The following WWOX variants were observed in gnomAD, a reference collection of about 807,000 sequenced individuals.
WWOX encodes WW domain-containing oxidoreductase.
WWOX carries 69 observed loss-of-function variants against 46.2 expected under a neutral mutation model. The ratio of observed to expected loss-of-function variants is 1.49; its 90% CI spans 1.23 to 1.82. The LOEUF (loss-of-function observed/expected upper bound fraction) is 1.82. Ranked by LOEUF, WWOX falls within the 40% of genes most tolerant of loss-of-function variation. The pLI, the probability that WWOX is intolerant of heterozygous loss-of-function variation, is 0.00. For synonymous variants in WWOX, 359 were observed against 202.6 expected (o/e 1.77, Z -6.56); for missense variants, 919 against 542.6 (o/e 1.69, Z -6.89).
intron 8 of WWOX, among the ~76,000 whole-genome samples, chr16:79,059,713 C>T (rs1446556629): frequency 6.6e-6 from 1 of 152,112 alleles, no homozygotes; most frequent in Non-Finnish European, 1.5e-5. Context: ...CCAGGCATCT[C>T]AATCGTTTTA....
chr16:78,668,684 G>A (rs752211829), intron 8 of WWOX, among the ~76,000 whole-genome samples: 18 of 152,166 alleles, frequency 1.2e-4, no homozygotes, highest in Admixed American at 2.0e-4. Context: ...AGAAGAGCAG[G>A]CATCAGATGG....
chr16:78,995,118 T>G (rs1431716562), intron 8 of WWOX, among the ~76,000 whole-genome samples: 1 of 152,104 alleles, frequency 6.6e-6, no homozygotes, highest in African/African-American at 2.4e-5. Flanking sequence ...ACAGTTTGTC[T>G]TGGCTCTGAT....
intron 8 of WWOX, among the ~76,000 whole-genome samples, chr16:78,931,089 A>G: frequency 6.6e-6 from 1 of 152,194 alleles, no homozygotes; most frequent in East Asian, 1.9e-4. Context: ...CATATGGTAA[A>G]TAAGAATTTA....
intron 8 of WWOX, among the ~76,000 whole-genome samples, chr16:79,109,623 A>G (rs892204140): frequency 3.9e-5 from 6 of 152,312 alleles, no homozygotes; most frequent in East Asian, 1.9e-4. Flanking sequence ...ATTTCCACCA[A>G]TGGAGAATAT....
chr16:78,802,176 G>A (rs531376806), intron 8 of WWOX, among the ~76,000 whole-genome samples: 57 of 142,734 alleles, frequency 4.0e-4, no homozygotes, highest in African/African-American at 1.4e-3. Flanking sequence ...AAAGAGCGAA[G>A]TTTGTTTTAT....
At chr16:78,659,728 G>A (rs917907117) in intron 8 of WWOX, among the ~76,000 whole-genome samples, 1 of 152,118 alleles carries the variant, frequency 6.6e-6, no homozygotes, top group African/African-American at 2.4e-5. Flanking sequence ...TTAGAAAAAT[G>A]ACAATGTTCA....
rs939870202 is a variant in WWOX at position 78,840,833 on chromosome 16, A to T, written c.1057-370775A>T. 4.6e-5 allele frequency among the ~76,000 whole-genome samples: 7 copies of T among 152,016 alleles called. No homozygotes were observed. The East Asian group carries it at 1.2e-3, about 25-fold the overall frequency. ...TATATATTTGTGGTCTGTGTTTCTT[A>T]TAAATTGGTAATCCCCCAGGGGATG... On this transcript the variant is annotated intron_variant, in intron 8 of 8. Coordinates refer to ENST00000566780, the MANE Select transcript of WWOX (RefSeq NM_016373.4).
chr16:78,777,045 T>A (rs1333433531), intron 8 of WWOX, among the ~76,000 whole-genome samples: 1 of 152,172 alleles, frequency 6.6e-6, no homozygotes, highest in Non-Finnish European at 1.5e-5. Context: ...TGCATGACAT[T>A]TTAGGATAAA....
At chr16:78,675,338 T>G (rs2047568160) in intron 8 of WWOX, among the ~76,000 whole-genome samples, 1 of 152,148 alleles carries the variant, frequency 6.6e-6, no homozygotes, top group African/African-American at 2.4e-5. Flanking sequence ...ATGTAAAGAT[T>G]TAAAAAACTG....
intron 5 of WWOX, among the ~76,000 whole-genome samples, chr16:78,194,448 C>G (rs1052367300): frequency 6.6e-6 from 1 of 151,548 alleles, no homozygotes; most frequent in South Asian, 2.1e-4. Context: ...ATTAGCCTGG[C>G]GTGGTGGTGG....
intron 4 of WWOX, chr16:78,123,715 C>T (rs1385548385): frequency 6.7e-6 from 1 of 149,970 alleles, no homozygotes; most frequent in African/African-American, 2.5e-5. Flanking sequence ...TTCGGCCTCC[C>T]AAAATGCTGC....
chr16:78,841,614 T>C (rs1244772884), intron 8 of WWOX, among the ~76,000 whole-genome samples: 1 of 152,256 alleles, frequency 6.6e-6, no homozygotes, highest in Non-Finnish European at 1.5e-5. Flanking sequence ...ATTATGAGAA[T>C]ACATTAACAA....
intron 8 of WWOX, among the ~76,000 whole-genome samples, chr16:79,013,820 T>TG (rs1354972390): frequency 6.6e-6 from 1 of 152,136 alleles, no homozygotes; most frequent in Non-Finnish European, 1.5e-5. Context: ...TGGGGAAGGT[T>TG]GGGGTCCTCT....
At chr16:78,640,423 G>A (rs1597383444) in intron 8 of WWOX, among the ~76,000 whole-genome samples, 2 of 151,934 alleles carry the variant, frequency 1.3e-5, no homozygotes, top group African/African-American at 2.4e-5. Flanking sequence ...CAGGGGCAAG[G>A]TATAGGCTCA....
At chr16:78,891,343 C>G (rs2044586609) in intron 8 of WWOX, 1 of 152,132 alleles carries the variant, frequency 6.6e-6, no homozygotes, top group South Asian at 2.1e-4. Context: ...TCTGTAAGGA[C>G]TCTAAACGAT....
At chr16:78,514,300 A>G (rs978144695) in intron 8 of WWOX, among the ~76,000 whole-genome samples, 1 of 152,238 alleles carries the variant, frequency 6.6e-6, no homozygotes, top group African/African-American at 2.4e-5. Flanking sequence ...TAAGCACATT[A>G]ATTATGTGCA....
chr16:78,533,781 C>A (rs983208905), intron 8 of WWOX, among the ~76,000 whole-genome samples: 2 of 152,122 alleles, frequency 1.3e-5, no homozygotes, highest in African/African-American at 2.4e-5. Flanking sequence ...AGTTGTAGGC[C>A]CCTCCCGAAT....
intron 6 of WWOX, among the ~76,000 whole-genome samples, chr16:78,408,193 G>C (rs1264536534): frequency 2.0e-5 from 3 of 152,096 alleles, no homozygotes; most frequent in Non-Finnish European, 2.9e-5. Flanking sequence ...CTTCTTACTT[G>C]GTGCACTCTT....
At chr16:78,984,838 A>C (rs969479274) in intron 8 of WWOX, among the ~76,000 whole-genome samples, 2 of 152,172 alleles carry the variant, frequency 1.3e-5, no homozygotes, top group African/African-American at 4.8e-5. Context: ...ATGTAACAGA[A>C]AGGAGAAAGA....
Sources: gnomAD v4.1 joint callset for allele counts (sites outside exome capture counted in the v4.1 genomes callset) on GRCh38, gnomAD v4.1.1 for gene constraint, MANE v1.5 for transcripts, NCBI Gene and HGNC (gene_info 2026-07-23, HGNC 2026-07-21) for gene names.